Variants in ATP8A2 observed in about 807,000 individuals in gnomAD.
ATP8A2 encodes the protein phospholipid-transporting ATPase IB.
Under a neutral mutation model 165.6 loss-of-function variants are expected in ATP8A2, and 100 were observed. The ratio of observed to expected loss-of-function variants is 0.60; its 90% CI spans 0.51 to 0.71. The LOEUF is 0.71. ATP8A2 is among the 30% of genes least tolerant of loss of function. ATP8A2 has a pLI of 0.00. For missense variants in ATP8A2, 1,227 were observed against 1,479.5 expected (o/e 0.83, Z 2.80); for synonymous variants, 543 against 548.8 (o/e 0.99, Z 0.15).
chr13:26,013,343 C>T (rs553037581), intron 36 of ATP8A2, among the ~76,000 whole-genome samples: 1 of 152,258 alleles, frequency 6.6e-6, no homozygotes, highest in African/African-American at 2.4e-5. Flanking sequence ...GCCTCCCTTT[C>T]CCTTCCGGAG....
At chr13:25,729,636 T>A (rs2043572409) in intron 25 of ATP8A2, among the ~76,000 whole-genome samples, 1 of 152,152 alleles carries the variant, frequency 6.6e-6, no homozygotes. Flanking sequence ...AAGGTGTGCA[T>A]GAAGTCGGTC....
chr13:25,799,257 G>T (rs1349119256), intron 27 of ATP8A2, among the ~76,000 whole-genome samples: 1 of 152,158 alleles, frequency 6.6e-6, no homozygotes, highest in African/African-American at 2.4e-5. Flanking sequence ...ATTTCCCTTG[G>T]ATTCAACCTT....
At chr13:25,836,253 A>T (rs112306548) in intron 28 of ATP8A2, among the ~76,000 whole-genome samples, 1 of 152,092 alleles carries the variant, frequency 6.6e-6, no homozygotes, top group East Asian at 1.9e-4. Flanking sequence ...CACAGCTCTT[A>T]GCACAAGTAA....
chr13:25,542,505 T>C (rs531335771), intron 9 of ATP8A2, among the ~76,000 whole-genome samples: 2 of 152,240 alleles, frequency 1.3e-5, no homozygotes, highest in South Asian at 4.2e-4. Flanking sequence ...TATATTCTGT[T>C]ATCTTTGTTC....
chr13:25,839,513 A>G, intron 29 of ATP8A2, 33 bp from the exon 30 acceptor site: 1 of 1,556,196 alleles, frequency 6.4e-7, no homozygotes. Context: ...CGTTTTGGGC[A>G]GCTCCTGACT....
At position 25,555,085 on chromosome 13, in the gene ATP8A2, G is replaced by T. The variant is rs750811533; in HGVS notation, c.1263+17G>T. On this transcript the variant is annotated intron_variant, in intron 13 of 36. Coordinates refer to ENST00000381655, the MANE Select transcript of ATP8A2 (RefSeq NM_016529.6). The stretch of plus-strand genomic sequence containing the variant: ...CTTGGGCAGGTGAAAAAGCCTCTGG[G>T]AACTTTGGGAATGGTGACACGAGCA... The T allele has an allele frequency of 3.1e-5, 49 of 1,579,892 alleles. No individual in the cohort carries two copies. In the Middle Eastern group the frequency reaches 1.5e-3, roughly 48 times the overall value.
chr13:25,530,493 C>G (rs116733186), intron 3 of ATP8A2, 69 bp from the exon 4 acceptor site: 1 of 868,184 alleles, frequency 1.2e-6, no homozygotes, highest in African/African-American at 1.7e-5. Flanking sequence ...ACGTGACTGC[C>G]GTAATTTTCT....
chr13:25,921,297 T>C (rs1471462932), intron 33 of ATP8A2, among the ~76,000 whole-genome samples: 1 of 151,948 alleles, frequency 6.6e-6, no homozygotes, highest in Non-Finnish European at 1.5e-5. Flanking sequence ...TTCCTCAAAT[T>C]ATCTGAAAAA....
intron 24 of ATP8A2, among the ~76,000 whole-genome samples, chr13:25,648,218 T>G (rs925378743): frequency 2.6e-5 from 4 of 152,228 alleles, no homozygotes; most frequent in Non-Finnish European, 5.9e-5. Context: ...TCTTGCATTT[T>G]CCAGTTCAGA....
intron 24 of ATP8A2, among the ~76,000 whole-genome samples, chr13:25,629,134 A>C (rs2041175417): frequency 6.6e-6 from 1 of 152,156 alleles, no homozygotes; most frequent in Non-Finnish European, 1.5e-5. Context: ...GACAGGATCA[A>C]ACCAGCATTG....
intron 25 of ATP8A2, among the ~76,000 whole-genome samples, chr13:25,732,573 G>T (rs374085873): frequency 1.3e-5 from 2 of 152,262 alleles, no homozygotes; most frequent in East Asian, 3.9e-4. Context: ...TTTAAAGAAG[G>T]ACTTTGTAAT....
intron 1 of ATP8A2, among the ~76,000 whole-genome samples, chr13:25,392,126 T>G (rs936737625): frequency 6.6e-6 from 1 of 152,196 alleles, no homozygotes; most frequent in Non-Finnish European, 1.5e-5. Context: ...CAGCAATAGA[T>G]AATGAGCACC....
chr13:25,498,417 T>C (rs1030573913), intron 2 of ATP8A2, among the ~76,000 whole-genome samples: 2 of 152,210 alleles, frequency 1.3e-5, no homozygotes, highest in African/African-American at 4.8e-5. Context: ...TACAGAATGC[T>C]TGTTTACATA....
At chr13:25,521,520 G>C (rs932947615) in intron 2 of ATP8A2, among the ~76,000 whole-genome samples, 1 of 152,106 alleles carries the variant, frequency 6.6e-6, no homozygotes, top group Non-Finnish European at 1.5e-5. Context: ...TCTTAGATTT[G>C]AGCCTTTAAT....
intron 1 of ATP8A2, among the ~76,000 whole-genome samples, chr13:25,429,636 G>A (rs528878147): frequency 3.9e-5 from 6 of 152,230 alleles, no homozygotes; most frequent in African/African-American, 9.6e-5. Context: ...CGGTGGTTCC[G>A]CAGGCACTTG....
At chr13:25,829,790 T>C (rs1352227544) in intron 28 of ATP8A2, among the ~76,000 whole-genome samples, 3 of 146,122 alleles carry the variant, frequency 2.1e-5, no homozygotes, top group African/African-American at 7.6e-5. Flanking sequence ...TGGATTCTTT[T>C]CTTAGCTCCA....
chr13:25,576,957 C>A, intron 19 of ATP8A2, 112 bp from the exon 20 acceptor site: 1 of 778,486 alleles, frequency 1.3e-6, no homozygotes, highest in Non-Finnish European at 2.2e-6. Context: ...AAAGATAGAC[C>A]TTGTTCATTT....
At chr13:25,941,664 C>A (rs187749935) in intron 33 of ATP8A2, among the ~76,000 whole-genome samples, 6 of 152,180 alleles carry the variant, frequency 3.9e-5, no homozygotes. Flanking sequence ...CTGGCAGCAG[C>A]ACACACTGAA....
intron 24 of ATP8A2, among the ~76,000 whole-genome samples, chr13:25,694,030 A>G (rs563110988): frequency 2.5e-4 from 38 of 152,156 alleles, no homozygotes; most frequent in Non-Finnish European, 4.6e-4. Context: ...ACGCACATCT[A>G]ATTTTTTTGT....
Sources: allele counts gnomAD v4.1 joint callset (sites outside exome capture counted in the v4.1 genomes callset), GRCh38; gene constraint gnomAD v4.1.1; transcripts MANE v1.5; gene names NCBI Gene and HGNC (gene_info 2026-07-23, HGNC 2026-07-21).